The following SPMIP2 variants were observed in gnomAD, a reference collection of about 807,000 sequenced individuals.
SPMIP2 encodes sperm microtubule inner protein 2, also known as protein SPMIP2.
At chr4:159,009,604 A>G in the SPMIP2 span, among the ~76,000 whole-genome samples, 11 of 152,202 alleles carry the variant, frequency 7.2e-5, no homozygotes, top group African/African-American at 2.7e-4. Context: ...GCTCTTTTGC[A>G]TGGAAAGGTA....
chr4:158,997,693 C>T, the SPMIP2 span, among the ~76,000 whole-genome samples: 2 of 152,130 alleles, frequency 1.3e-5, no homozygotes, highest in Non-Finnish European at 2.9e-5. Flanking sequence ...CACTCTGTTG[C>T]CCTGGCTGGA....
chr4:158,969,228 G>A, the SPMIP2 span, among the ~76,000 whole-genome samples: 791 of 152,224 alleles, frequency 5.2e-3, 5 homozygotes, highest in African/African-American at 0.017. Context: ...TCCCCATTGA[G>A]GTTGGGGTTA....
At chr4:158,983,712 G>T in the SPMIP2 span, among the ~76,000 whole-genome samples, 2 of 79,296 alleles carry the variant, frequency 2.5e-5, no homozygotes, top group African/African-American at 1.0e-4. Flanking sequence ...AAAGACCATC[G>T]AGACTAGGAA....
At chr4:159,021,286 T>G in the SPMIP2 span, among the ~76,000 whole-genome samples, 1 of 152,202 alleles carries the variant, frequency 6.6e-6, no homozygotes, top group African/African-American at 2.4e-5. Context: ...GAGGCAGCCA[T>G]AATGGCCAAT....
At chr4:158,998,874 C>T in the SPMIP2 span, among the ~76,000 whole-genome samples, 263 of 151,962 alleles carry the variant, frequency 1.7e-3, no homozygotes, top group African/African-American at 5.9e-3. Flanking sequence ...GCTTGTAAAA[C>T]GTATGTACCA....
At chr4:158,894,668 A>G in the SPMIP2 span, among the ~76,000 whole-genome samples, 1 of 151,954 alleles carries the variant, frequency 6.6e-6, no homozygotes, top group East Asian at 1.9e-4. Context: ...TTTCTATTTC[A>G]CTCCATAAGG....
the SPMIP2 span, among the ~76,000 whole-genome samples, chr4:158,999,645 C>T: frequency 6.6e-6 from 1 of 152,160 alleles, no homozygotes; most frequent in Non-Finnish European, 1.5e-5. Flanking sequence ...TTAAGACACC[C>T]AGGGAACTGG....
the SPMIP2 span, among the ~76,000 whole-genome samples, chr4:159,062,894 T>C: frequency 6.7e-6 from 1 of 149,604 alleles, no homozygotes; most frequent in East Asian, 2.0e-4. Flanking sequence ...GTTTTTGCCA[T>C]GTTGCTCAGG....
At chr4:158,951,697 C>T in the SPMIP2 span, among the ~76,000 whole-genome samples, 1 of 152,182 alleles carries the variant, frequency 6.6e-6, no homozygotes, top group African/African-American at 2.4e-5. Flanking sequence ...TTTTGAGGAG[C>T]TAAACCTGCA....
At chr4:159,016,719 T>C in the SPMIP2 span, among the ~76,000 whole-genome samples, 1 of 152,186 alleles carries the variant, frequency 6.6e-6, no homozygotes, top group Non-Finnish European at 1.5e-5. Context: ...GGGCTTTCAA[T>C]TTCGCTTTTT....
the SPMIP2 span, among the ~76,000 whole-genome samples, chr4:158,900,223 C>G: frequency 4.6e-5 from 7 of 152,012 alleles, no homozygotes; most frequent in South Asian, 6.2e-4. Context: ...TTATGATTTC[C>G]ATTCTTTTGC....
At chr4:158,943,624 T>C in the SPMIP2 span, among the ~76,000 whole-genome samples, 2 of 152,060 alleles carry the variant, frequency 1.3e-5, no homozygotes, top group Non-Finnish European at 2.9e-5. Context: ...GGCCTTCAGG[T>C]TTAAACTTCA....
At chr4:159,041,373 AC>A in the SPMIP2 span, among the ~76,000 whole-genome samples, 1 of 152,246 alleles carries the variant, frequency 6.6e-6, no homozygotes, top group African/African-American at 2.4e-5. Flanking sequence ...CATTTAAAAA[AC>A]AACAGATAAT....
At chr4:159,071,355 G>A in the SPMIP2 span, among the ~76,000 whole-genome samples, 1 of 152,154 alleles carries the variant, frequency 6.6e-6, no homozygotes, top group Non-Finnish European at 1.5e-5. Flanking sequence ...GGTATCTCAG[G>A]TAAAGTTGTC....
the SPMIP2 span, among the ~76,000 whole-genome samples, chr4:158,934,427 A>G: frequency 6.6e-6 from 1 of 152,178 alleles, no homozygotes; most frequent in African/African-American, 2.4e-5. Flanking sequence ...GTGCCACTGC[A>G]CTCCAGCGTG....
the SPMIP2 span, among the ~76,000 whole-genome samples, chr4:158,900,036 G>C: frequency 2.0e-5 from 3 of 152,074 alleles, no homozygotes; most frequent in Non-Finnish European, 4.4e-5. Context: ...TAAAGATTCG[G>C]GTACACTGTG....
the SPMIP2 span, among the ~76,000 whole-genome samples, chr4:158,950,996 G>C: frequency 6.6e-6 from 1 of 152,212 alleles, no homozygotes; most frequent in African/African-American, 2.4e-5. Context: ...GGGGCTTCCA[G>C]TGAGCTAGAG....
At chr4:158,964,162 C>CAA in the SPMIP2 span, among the ~76,000 whole-genome samples, 6 of 110,646 alleles carry the variant, frequency 5.4e-5, 1 homozygote, top group Non-Finnish European at 1.3e-4. Flanking sequence ...CAAAACAAAA[C>CAA]AAAACAAAAC....
the SPMIP2 span, chr4:159,007,864 C>T: frequency 1.1e-5 from 6 of 528,426 alleles, no homozygotes; most frequent in East Asian, 2.5e-4. Flanking sequence ...AATAAATGAC[C>T]TATATGTTGT....
Sources: gnomAD v4.1 joint callset for allele counts (sites outside exome capture counted in the v4.1 genomes callset) on GRCh38, gnomAD v4.1.1 for gene constraint, MANE v1.5 for transcripts, NCBI Gene and HGNC (gene_info 2026-07-23, HGNC 2026-07-21) for gene names.